CCDC178: variants seen among roughly 807,000 people sequenced by gnomAD.
The protein encoded by CCDC178 is coiled-coil domain containing 178, also known as coiled-coil domain-containing protein 178.
In CCDC178, 126 loss-of-function variants were observed where a neutral mutation model predicts 117.4. The ratio of observed to expected loss-of-function variants is 1.07; its 90% confidence interval spans 0.93 to 1.24. CCDC178 has a LOEUF of 1.24. Ranked by LOEUF, CCDC178 falls within the 50% of genes most tolerant of loss-of-function variation. The pLI, the probability that CCDC178 is intolerant of heterozygous loss-of-function variation, is 0.00. For missense variants in CCDC178, 1,030 were observed against 986.9 expected (o/e 1.04, Z -0.59); for synonymous variants, 283 against 313.4 (o/e 0.90, Z 1.02).
chr18:33,293,129 T>C (rs765166880), intron 12 of CCDC178, 30 bp downstream of exon 12: 3 of 1,433,068 alleles, frequency 2.1e-6, no homozygotes, highest in African/African-American at 2.9e-5. Flanking sequence ...CAAAAATCAG[T>C]ATTTTTTATT....
chr18:33,321,806 C>G (rs930512341), intron 11 of CCDC178, among the ~76,000 whole-genome samples: 2 of 150,954 alleles, frequency 1.3e-5, no homozygotes, highest in Non-Finnish European at 3.0e-5. Context: ...AGTTTATATC[C>G]AAATATGTTA....
rs775575059 is a variant in CCDC178 at position 33,323,519 on chromosome 18, G to A, written c.994C>T (p.Gln332Ter). ...IKEEIDKDIY[Q>*]DEKTIEAYKR... Reference sequence around the variant, plus strand: ...TAGGCCTCTATGGTTTTTTCATCCTGGTAAATATCCTTATCAATCTCTTCT... The same window carrying A: ...TAGGCCTCTATGGTTTTTTCATCCTAGTAAATATCCTTATCAATCTCTTCT... The change falls in exon 11 of 23, where the codon CAG (glutamine) becomes TAG (stop). Residue 332 changes from glutamine to a stop codon, truncating the protein, a stop_gained. Coordinates refer to ENST00000383096, the MANE Select transcript of CCDC178 (RefSeq NM_001105528.4). LOFTEE classifies it high-confidence loss of function. The A allele has an allele frequency of 1.3e-6, 2 of 1,542,762 alleles. No individual in the cohort carries two copies. The highest frequency in any genetic ancestry group is 2.4e-5 in the East Asian group (1 of 41,756).
At chr18:33,420,792 A>T (rs1477517318) in intron 2 of CCDC178, among the ~76,000 whole-genome samples, 1 of 152,202 alleles carries the variant, frequency 6.6e-6, no homozygotes, top group Non-Finnish European at 1.5e-5. Context: ...AATAACAGTT[A>T]AAAAAAGTAA....
chr18:33,291,149 G>T (rs2060161421), intron 12 of CCDC178, among the ~76,000 whole-genome samples: 1 of 151,918 alleles, frequency 6.6e-6, no homozygotes, highest in Admixed American at 6.6e-5. Flanking sequence ...TGAAATAACA[G>T]AAAATATTTT....
At chr18:33,426,850 A>G (rs2144953689) in intron 2 of CCDC178, among the ~76,000 whole-genome samples, 1 of 152,296 alleles carries the variant, frequency 6.6e-6, no homozygotes, top group East Asian at 1.9e-4. Flanking sequence ...GTATTATAAT[A>G]AAATGAGGAT....
chr18:33,052,775 T>C (rs2056766935), intron 21 of CCDC178, among the ~76,000 whole-genome samples: 1 of 152,196 alleles, frequency 6.6e-6, no homozygotes, highest in African/African-American at 2.4e-5. Flanking sequence ...ACTAATCTTT[T>C]AGGAAGCAGG....
intron 21 of CCDC178, among the ~76,000 whole-genome samples, chr18:33,080,906 G>C (rs939303310): frequency 3.9e-5 from 6 of 152,102 alleles, no homozygotes; most frequent in Admixed American, 3.9e-4. Flanking sequence ...GCAGTGAAGA[G>C]ATGCTGAAAT....
At position 33,215,588 on chromosome 18, in the gene CCDC178, T is replaced by C. The variant is rs774183656; in HGVS notation, c.2040A>G (p.Glu680=). The C allele has an allele frequency of 1.3e-6, 2 of 1,490,360 alleles. No homozygotes were observed. The highest frequency in any genetic ancestry group is 5.0e-5 in the Admixed American group (2 of 40,014). 92.3% of individuals were successfully genotyped at this position (1,490,360 alleles called of 1,614,324 possible). ...ELNEELKAKE[E]EKKSFDQTLE... ...GTGTCTGATCAAAACTTTTCTTTTCTTCTTCTTTTGCTTTTAATTCCTCAT... is the reference window on the plus strand; with the variant it reads ...GTGTCTGATCAAAACTTTTCTTTTCCTCTTCTTTTGCTTTTAATTCCTCAT... Residue 680 remains glutamate (E), a synonymous_variant, in exon 19 of 23, where the codon GAA becomes GAG. Transcript: ENST00000383096.
chr18:33,183,912 T>C (rs1365501205), intron 20 of CCDC178, among the ~76,000 whole-genome samples: 1 of 152,092 alleles, frequency 6.6e-6, no homozygotes, highest in Admixed American at 6.6e-5. Flanking sequence ...TCTGGGGAGA[T>C]TCACATGTGC....
intron 15 of CCDC178, among the ~76,000 whole-genome samples, chr18:33,243,205 T>A (rs1243492701): frequency 1.3e-5 from 2 of 151,718 alleles, no homozygotes; most frequent in Non-Finnish European, 2.9e-5. Flanking sequence ...CCAAAATTGA[T>A]CTCACAAAAG....
At chr18:33,438,907 G>C (rs936401132) in intron 2 of CCDC178, among the ~76,000 whole-genome samples, 2 of 152,094 alleles carry the variant, frequency 1.3e-5, no homozygotes, top group African/African-American at 4.8e-5. Flanking sequence ...GATAAACTGA[G>C]TAGACAAATA....
chr18:32,955,452 C>T (rs182225800), intron 22 of CCDC178, among the ~76,000 whole-genome samples: 53 of 152,234 alleles, frequency 3.5e-4, no homozygotes, highest in African/African-American at 1.3e-3. Flanking sequence ...TTTGTCATTG[C>T]AATTATCATA....
chr18:33,057,534 C>G (rs1213239765), intron 21 of CCDC178, among the ~76,000 whole-genome samples: 1 of 152,064 alleles, frequency 6.6e-6, no homozygotes, highest in East Asian at 1.9e-4. Context: ...TCTTGTCACC[C>G]AGGCTGGAGT....
chr18:33,268,732 T>C (rs947784470), intron 12 of CCDC178, among the ~76,000 whole-genome samples: 1 of 151,844 alleles, frequency 6.6e-6, no homozygotes, highest in African/African-American at 2.4e-5. Context: ...ATTATGTCCT[T>C]GCAGAGACAT....
At chr18:33,031,957 T>C (rs188285956) in intron 21 of CCDC178, among the ~76,000 whole-genome samples, 163 of 152,214 alleles carry the variant, frequency 1.1e-3, no homozygotes, top group African/African-American at 3.6e-3. Flanking sequence ...ATGAATAAAT[T>C]TCATTAATAT....
At chr18:33,160,296 A>AAT (rs1483060131) in intron 20 of CCDC178, among the ~76,000 whole-genome samples, 2 of 152,180 alleles carry the variant, frequency 1.3e-5, no homozygotes, top group African/African-American at 4.8e-5. Context: ...CTTGAATTGA[A>AAT]ATATACACTT....
At chr18:33,046,971 C>A (rs1056853686) in intron 21 of CCDC178, among the ~76,000 whole-genome samples, 1 of 152,112 alleles carries the variant, frequency 6.6e-6, no homozygotes, top group South Asian at 2.1e-4. Flanking sequence ...TTTAACTCAG[C>A]TTTGACATTT....
intron 20 of CCDC178, among the ~76,000 whole-genome samples, chr18:33,162,170 C>T (rs1199721674): frequency 2.0e-5 from 3 of 151,910 alleles, no homozygotes; most frequent in Non-Finnish European, 2.9e-5. Flanking sequence ...CATCACACAC[C>T]GGGGCCTATT....
chr18:33,227,669 C>T (rs1192533554), intron 15 of CCDC178, among the ~76,000 whole-genome samples: 1 of 151,242 alleles, frequency 6.6e-6, no homozygotes, highest in Admixed American at 6.6e-5. Flanking sequence ...CTGAATCCCT[C>T]ATCATATCCC....
Sources: allele counts gnomAD v4.1 joint callset (sites outside exome capture counted in the v4.1 genomes callset), GRCh38; gene constraint gnomAD v4.1.1; transcripts MANE v1.5; gene names NCBI Gene and HGNC (gene_info 2026-07-23, HGNC 2026-07-21).